SLC22A11: variants seen among roughly 807,000 people sequenced by gnomAD.
SLC22A11 encodes solute carrier family 22 member 11.
A neutral mutation model predicts 49.4 loss-of-function variants in SLC22A11; 42 were observed. That is an observed-to-expected ratio of 0.85 (90% CI 0.66 to 1.10). The LOEUF is 1.10. SLC22A11 is among the 50% of genes least tolerant of loss of function. The pLI, the probability that SLC22A11 is intolerant of heterozygous loss-of-function variation, is 0.00. For synonymous variants in SLC22A11, 304 were observed against 315.8 expected (o/e 0.96, Z 0.40); for missense variants, 685 against 731.6 (o/e 0.94, Z 0.74).
chr11:64,556,317 C>T lies in SLC22A11; in HGVS notation c.318C>T (p.Ser106=), dbSNP rs780332447. The T allele has an allele frequency of 2.7e-5, 44 of 1,613,420 alleles. No individual in the cohort carries two copies. Among genetic ancestry groups the T allele is most frequent in the African/African-American group, 9.3e-5 (7 of 74,936 alleles). The change falls in exon 1 of 10, where the codon AGC becomes AGT. Residue 106 remains serine, a synonymous_variant. Coordinates refer to ENST00000301891, the MANE Select transcript of SLC22A11 (RefSeq NM_018484.4). ...LDPNATATSW[S]EADTEPCVDG... ...CCAATGCCACGGCCACCAGCTGGAG[C>T]GAAGCTGACACGGAGCCGTGTGTGG...
Position 64,567,620 on chromosome 11 carries a change from C to T in SLC22A11, c.1080C>T (p.Tyr360=). ...LVVNFSLLIS[Y]YGLVFDLQSL... is the part of the protein sequence containing the mutation. ...GCAGTTTCTCTCTATTGATCTCCTA[C>T]TATGGGCTGGTCTTCGACCTGCAGA... The change falls in exon 7 of 10, where the codon TAC becomes TAT. Residue 360 remains tyrosine (Y), a synonymous_variant. Coordinates refer to ENST00000301891, the MANE Select transcript of SLC22A11 (RefSeq NM_018484.4). 1 of 1,614,090 alleles carries T rather than the reference C, an allele frequency of 6.2e-7. No individual in the cohort carries two copies. Among genetic ancestry groups the T allele is most frequent in the Middle Eastern group, 1.7e-4 (1 of 6,054 alleles).
intron 2 of SLC22A11, among the ~76,000 whole-genome samples, chr11:64,561,076 A>T (rs1054745075): frequency 6.6e-6 from 1 of 152,168 alleles, no homozygotes; most frequent in Non-Finnish European, 1.5e-5. Context: ...TCTGCCTCGC[A>T]TCTCCGTTCT....
intron 2 of SLC22A11, among the ~76,000 whole-genome samples, 176 bp from the exon 3 acceptor site, chr11:64,561,828 C>T (rs189851355): frequency 1.1e-4 from 16 of 152,098 alleles, no homozygotes; most frequent in Non-Finnish European, 2.2e-4. Context: ...TGGCAAGGTA[C>T]CTGCCACTTT....
chr11:64,556,459 T>A, intron 1 of SLC22A11, 67 bp downstream of exon 1: 1 of 1,570,566 alleles, frequency 6.4e-7, no homozygotes, highest in South Asian at 1.1e-5. Context: ...ATCAGGTTGG[T>A]TGGACTCCAA....
At chr11:64,567,845 GCCCTGCTTC>G (rs1352827628) in intron 7 of SLC22A11, 32 bp downstream of exon 7, 1 of 1,543,432 alleles carries the variant, frequency 6.5e-7, no homozygotes, top group South Asian at 1.2e-5. Context: ...GTGGGACCGG[GCCCTGCTTC>G]CCCGCCCACC....
At chr11:64,558,395 C>T (rs1167048849) in intron 1 of SLC22A11, among the ~76,000 whole-genome samples, 2 of 152,088 alleles carry the variant, frequency 1.3e-5, no homozygotes, top group Non-Finnish European at 2.9e-5. Flanking sequence ...CTGCAGCTGC[C>T]CGGGTGGGAA....
intron 8 of SLC22A11, among the ~76,000 whole-genome samples, chr11:64,569,070 G>T (rs1386465715): frequency 6.6e-6 from 1 of 152,160 alleles, no homozygotes; most frequent in Non-Finnish European, 1.5e-5. Flanking sequence ...GTAGCAGTGG[G>T]GACCCTCAAC....
Position 64,569,811 on chromosome 11 carries a change from G to C in SLC22A11, c.1542G>C (p.Glu514Asp), listed in dbSNP as rs1250176591. 1 of 1,613,966 alleles carries C rather than the reference G, an allele frequency of 6.2e-7. No individual in the cohort carries two copies. Among genetic ancestry groups the C allele is most frequent in the East Asian group, 2.2e-5 (1 of 44,884 alleles). Residue 514 changes from glutamate to aspartate, a missense_variant, in exon 9 of 10, where the codon GAG becomes GAC. Physicochemically the swap from Glu to Asp is conservative, Grantham distance 45 (BLOSUM62 2). Transcript: ENST00000301891. ...TGGTTGTGCTGTTCTTCCTCCCGGAGACCCAGGGACTTCCGCTCCCTGACA... is the reference window on the plus strand; with the variant it reads ...TGGTTGTGCTGTTCTTCCTCCCGGACACCCAGGGACTTCCGCTCCCTGACA... The part of the protein sequence containing the change: ...SSLVVLFFLP[E>D]TQGLPLPDTI...
Position 64,572,392 on chromosome 11 carries a change from G to A in SLC22A11, c.*1350G>A, listed in dbSNP as rs1371041734. The A allele has an allele frequency of 1.3e-5, 2 of 152,378 alleles. No homozygotes were observed. Among genetic ancestry groups the A allele is most frequent in the Admixed American group, 1.3e-4 (2 of 15,304 alleles). 9.4% of individuals were successfully genotyped at this position (152,378 alleles called of 1,614,324 possible). ...CTCTTTCCAGCACAGGAGGCTCCTAGCCCTCGTCTCCAACCCTCCATGCCA... is the reference window on the plus strand; with the variant it reads ...CTCTTTCCAGCACAGGAGGCTCCTAACCCTCGTCTCCAACCCTCCATGCCA... On this transcript the variant is annotated 3_prime_UTR_variant, in exon 10 of 10. Transcript: ENST00000301891.
intron 9 of SLC22A11, among the ~76,000 whole-genome samples, chr11:64,570,172 G>A (rs995493547): frequency 2.6e-5 from 4 of 152,226 alleles, no homozygotes; most frequent in African/African-American, 9.6e-5. Flanking sequence ...ACCTGCCTGG[G>A]CAAGTGACTT....
chr11:64,565,669 G>A lies in SLC22A11; in HGVS notation c.1058+332G>A, dbSNP rs913302240. 10 of 439,676 alleles carry A rather than the reference G, an allele frequency of 2.3e-5. No individual in the cohort carries two copies. The East Asian group carries it at 6.2e-4, about 27-fold the overall frequency. The allele number at this position is 439,676 out of a possible 1,614,324, so 27.2% of individuals were successfully genotyped here. The stretch of plus-strand genomic sequence containing the variant: ...GAGCCAGGGGACCAGCCACGGCCGA[G>A]GAGTACCACTGTGTGTCATCGTTAG... On this transcript the variant is annotated intron_variant, in intron 6 of 9. Coordinates refer to ENST00000301891, the MANE Select transcript of SLC22A11 (RefSeq NM_018484.4). The surrounding 1 kb of genome is among the most constrained non-coding windows in gnomAD (Gnocchi z 4.1).
Position 64,571,834 on chromosome 11 carries a change from A to T in SLC22A11, c.*792A>T, listed in dbSNP as rs1258875528. The T allele has an allele frequency of 1.3e-5, 2 of 152,338 alleles. No individual in the cohort carries two copies. Among genetic ancestry groups the T allele is most frequent in the Non-Finnish European group, 2.9e-5 (2 of 68,112 alleles). 9.4% of individuals were successfully genotyped at this position (152,338 alleles called of 1,614,324 possible). The stretch of plus-strand genomic sequence containing the variant: ...TGCACTGAGGCATGGGGCGGGGTGC[A>T]CTGAGGATCCGAGCGAGCAGCCAGG... On this transcript the variant is annotated 3_prime_UTR_variant, in exon 10 of 10. Coordinates refer to ENST00000301891, the MANE Select transcript of SLC22A11 (RefSeq NM_018484.4).
rs1591378841 is a variant in SLC22A11 at position 64,571,926 on chromosome 11, A to T, written c.*884A>T. 1 of 152,416 alleles carries T rather than the reference A, an allele frequency of 6.6e-6. No homozygotes were observed. The highest frequency in any genetic ancestry group is 1.9e-4 in the East Asian group (1 of 5,176). The allele number at this position is 152,416 out of a possible 1,614,324, so 9.4% of individuals were successfully genotyped here. ...ACTCCTGGCTTCTGCGGGAAGGTGT[A>T]ATCAGCTTGTTTCATCATGCTGCAG... is the stretch of plus-strand genomic sequence containing the variant. On this transcript the variant is annotated 3_prime_UTR_variant, in exon 10 of 10. Transcript: ENST00000301891.
intron 1 of SLC22A11, among the ~76,000 whole-genome samples, chr11:64,557,797 A>T (rs1483335342): frequency 8.6e-6 from 1 of 116,338 alleles, no homozygotes; most frequent in African/African-American, 3.2e-5. Context: ...ATGCCCAGCT[A>T]ATTTTTTTTT....
chr11:64,564,515 TCCAGCACCACCTCCA>T lies in SLC22A11; in HGVS notation c.942+99_942+113del. The T allele has an allele frequency of 2.0e-6, 3 of 1,511,674 alleles. No individual in the cohort carries two copies. Among genetic ancestry groups the T allele is most frequent in the Non-Finnish European group, 2.7e-6 (3 of 1,108,092 alleles). 93.6% of individuals were successfully genotyped at this position (1,511,674 alleles called of 1,614,324 possible). A position where few individuals can be genotyped will look rare whatever the true frequency, so the allele number is the denominator to read the frequency against. ...TGTGGCCTCCAACAGCACCACCCAC[TCCAGCACCACCTCCA>T]CCAGCACCACCACCAGCATCTCCAC... On this transcript the variant is annotated intron_variant, in intron 5 of 9. Coordinates refer to ENST00000301891, the MANE Select transcript of SLC22A11 (RefSeq NM_018484.4). This position sits in a 1 kb window ranked among gnomAD's most constrained non-coding sequence, Gnocchi z 4.2.
chr11:64,568,540 C>T lies in SLC22A11; in HGVS notation c.1274-130C>T. 3 of 756,378 alleles carry T rather than the reference C, an allele frequency of 4.0e-6. No individual in the cohort carries two copies. The South Asian group carries it at 4.8e-5, about 12-fold the overall frequency. The allele number at this position is 756,378 out of a possible 1,614,324, so 46.9% of individuals were successfully genotyped here. A position where few individuals can be genotyped will look rare whatever the true frequency, so the allele number is the denominator to read the frequency against. On this transcript the variant is annotated intron_variant, in intron 7 of 9. Coordinates refer to ENST00000301891, the MANE Select transcript of SLC22A11 (RefSeq NM_018484.4). Reference sequence around the variant, plus strand: ...ACCCCAGCCCTGGGCAGCCCCGCACCAAGCCAGCAGGGCCGGGGACTTGTA... The same window carrying T: ...ACCCCAGCCCTGGGCAGCCCCGCACTAAGCCAGCAGGGCCGGGGACTTGTA...
rs1247971390 is a variant in SLC22A11, at chr11:64,562,655, A to G, written c.821+220A>G. On this transcript the variant is annotated intron_variant, in intron 4 of 9. Transcript: ENST00000301891. The surrounding 1 kb of genome is among the most constrained non-coding windows in gnomAD (Gnocchi z 4.4). ...GGCTCCCATCCAGCCCAGACAGGCC[A>G]AGATGGGCTGGCACAGCATTGGCTC... Among the ~76,000 whole-genome samples the G allele has an allele frequency of 6.6e-6, 1 of 152,228 alleles. No homozygotes were observed. Among genetic ancestry groups the G allele is most frequent in the African/African-American group, 2.4e-5 (1 of 41,454 alleles).
Position 64,567,315 on chromosome 11 carries a change from TC to T in SLC22A11, c.1059-281del, listed in dbSNP as rs2038638107. ...CAGAGGCCCCCGAGGGCAGACTTGG[TC>T]CCAGCCAGAGAGGCAACGCCCCAGC... On this transcript the variant is annotated intron_variant, in intron 6 of 9. Transcript: ENST00000301891. 3.3e-5 allele frequency among the ~76,000 whole-genome samples: 5 copies of T among 152,158 alleles called. No homozygotes were observed. In the South Asian group the frequency reaches 1.0e-3, roughly 32 times the overall value.
In SLC22A11 at chr11:64,562,178, C is replaced by A. The variant is rs368216337; in HGVS notation, c.652+20C>A. 6.8e-6 allele frequency: 11 copies of A among 1,610,186 alleles called. No homozygotes were observed. The African/African-American group carries it at 1.1e-4, about 16-fold the overall frequency. ...CACTGAGTGAGTCCCCGGCTCAGCGCGCTCCTGCCATGGGGGCGGGGGTGG... is the reference window on the plus strand; with the variant it reads ...CACTGAGTGAGTCCCCGGCTCAGCGAGCTCCTGCCATGGGGGCGGGGGTGG... On this transcript the variant is annotated intron_variant, in intron 3 of 9. Transcript: ENST00000301891. This position sits in a 1 kb window ranked among gnomAD's most constrained non-coding sequence, Gnocchi z 4.4.
Sources: allele counts gnomAD v4.1 joint callset (sites outside exome capture counted in the v4.1 genomes callset), GRCh38; gene constraint gnomAD v4.1.1; non-coding constraint Gnocchi (gnomAD v3.1); transcripts MANE v1.5; gene names NCBI Gene and HGNC (gene_info 2026-07-23, HGNC 2026-07-21).